OSBP2: variants seen among roughly 807,000 people sequenced by gnomAD.
The protein encoded by OSBP2 is oxysterol-binding protein 2.
Under a neutral mutation model 96.0 loss-of-function variants are expected in OSBP2, and 66 were observed. The observed-to-expected ratio is 0.69, with a 90% confidence interval of 0.56 to 0.84. The LOEUF (loss-of-function observed/expected upper bound fraction) is 0.84. OSBP2 is among the 40% of genes least tolerant of loss of function. OSBP2 has a pLI of 0.00. For synonymous variants in OSBP2, 525 were observed against 520.9 expected, an observed-to-expected ratio of 1.01 and a Z score of -0.11; for missense variants, 1,038 against 1,222.7, an observed-to-expected ratio of 0.85 and a Z score of 2.25.
rs572856651 is a variant in OSBP2, at chr22:30,778,816, A to G, written c.853+37447A>G. Among the ~76,000 whole-genome samples the G allele has an allele frequency of 6.6e-5, 10 of 152,054 alleles. 1 individual carries two copies. Among genetic ancestry groups the G allele is most frequent in the African/African-American group, 2.4e-4 (10 of 41,504 alleles). The stretch of plus-strand genomic sequence containing the variant: ...TTTGGAAGGCTGAGGCCGGTTGGTC[A>G]CTTGAGGTCAGGAGTTCAAGAGCAG... On this transcript the variant is annotated intron_variant, in intron 2 of 13. Transcript: ENST00000332585.
chr22:30,861,657 T>A (rs1297925964), intron 2 of OSBP2, among the ~76,000 whole-genome samples: 3 of 152,078 alleles, frequency 2.0e-5, no homozygotes, highest in Non-Finnish European at 4.4e-5. Context: ...TGTAGAGGAG[T>A]GGCGTCACTT....
intron 1 of OSBP2, among the ~76,000 whole-genome samples, chr22:30,726,237 T>A (rs986157305): frequency 2.0e-5 from 3 of 151,964 alleles, no homozygotes; most frequent in Admixed American, 6.6e-5. Flanking sequence ...CCAACCCAAA[T>A]CCCCATCAAT....
intron 2 of OSBP2, among the ~76,000 whole-genome samples, chr22:30,811,514 T>G (rs2091006655): frequency 6.6e-6 from 1 of 151,360 alleles, no homozygotes; most frequent in Non-Finnish European, 1.5e-5. Flanking sequence ...CGTGGCTATA[T>G]TTTTTAAATT....
chr22:30,896,440 A>ATCTGAGGGATGTGAAGAAATGC (rs2040069882), intron 12 of OSBP2, among the ~76,000 whole-genome samples: 1 of 152,230 alleles, frequency 6.6e-6, no homozygotes, highest in Non-Finnish European at 1.5e-5. Context: ...AAGGGGAAGG[A>ATCTGAGGGATGTGAAGAAATGC]TCTGAGGGAT....
At chr22:30,876,514 A>G (rs1241660281) in intron 3 of OSBP2, among the ~76,000 whole-genome samples, 1 of 152,204 alleles carries the variant, frequency 6.6e-6, no homozygotes, top group Non-Finnish European at 1.5e-5. Flanking sequence ...GAAACAGGGT[A>G]TGGGGTTCAC....
intron 2 of OSBP2, among the ~76,000 whole-genome samples, chr22:30,865,655 A>G (rs1569156467): frequency 6.7e-6 from 1 of 149,186 alleles, no homozygotes; most frequent in Admixed American, 6.7e-5. Flanking sequence ...AAAAAAAAAA[A>G]AGACAGTTTT....
intron 1 of OSBP2, among the ~76,000 whole-genome samples, chr22:30,708,859 G>T (rs1391928575): frequency 4.0e-5 from 6 of 151,724 alleles, no homozygotes. Flanking sequence ...CCAGCACTTT[G>T]GGAGGCCAAG....
rs4820914 is a variant in OSBP2 at position 30,903,991 on chromosome 22, C to T, written c.2376-1846C>T. Among the ~76,000 whole-genome samples the T allele has an allele frequency of 4.8e-3, 735 of 152,292 alleles. 1 individual carries two copies. Among genetic ancestry groups the T allele is most frequent in the Middle Eastern group, 0.017 (5 of 294 alleles). The stretch of plus-strand genomic sequence containing the variant: ...CATCTTGGGGACACACTTGGTTGTT[C>T]CCATGTGCAGGGTTCAGCACTTACC... On this transcript the variant is annotated intron_variant, in intron 12 of 13. Coordinates refer to ENST00000332585, the MANE Select transcript of OSBP2 (RefSeq NM_030758.4).
chr22:30,737,222 G>T (rs1439943372), intron 1 of OSBP2, among the ~76,000 whole-genome samples: 2 of 151,774 alleles, frequency 1.3e-5, no homozygotes, highest in African/African-American at 4.8e-5. Flanking sequence ...CACCATGTTG[G>T]CCAGGCTGGT....
At chr22:30,773,451 G>A (rs1408386886) in intron 2 of OSBP2, among the ~76,000 whole-genome samples, 1 of 152,132 alleles carries the variant, frequency 6.6e-6, no homozygotes, top group African/African-American at 2.4e-5. Context: ...CACCCTAGTT[G>A]CACTGATTAT....
At chr22:30,878,826 G>A (rs1239802688) in intron 3 of OSBP2, among the ~76,000 whole-genome samples, 1 of 152,200 alleles carries the variant, frequency 6.6e-6, no homozygotes, top group Non-Finnish European at 1.5e-5. Flanking sequence ...AACCTGGGGA[G>A]GAAGGGCACC....
chr22:30,741,050 C>T (rs1404340602), intron 1 of OSBP2, 111 bp from the exon 2 acceptor site: 23 of 841,654 alleles, frequency 2.7e-5, no homozygotes, highest in Non-Finnish European at 3.9e-5. Flanking sequence ...ACTCCAGGGC[C>T]TCTCCCAGCT....
chr22:30,741,169 G>T lies in OSBP2; in HGVS notation c.653G>T (p.Gly218Val), dbSNP rs1439546289. ...TCTCTTACATCCTACAGAAATCAGG[G>T]TGAAATGGCCCACACGTGCCGTGGA... ...NGLLSYYRNQ[G>V]EMAHTCRGTI... Residue 218 changes from glycine to valine, a missense_variant, in exon 2 of 14, where the codon GGT becomes GTT. Physicochemically the swap from Gly to Val is moderately radical, Grantham distance 109. Transcript: ENST00000332585. 4 of 1,613,702 alleles carry T rather than the reference G, an allele frequency of 2.5e-6. No homozygotes were observed. The Admixed American group carries it at 6.7e-5, about 27-fold the overall frequency.
chr22:30,862,860 C>T (rs1019750105), intron 2 of OSBP2, among the ~76,000 whole-genome samples: 1 of 151,478 alleles, frequency 6.6e-6, no homozygotes, highest in African/African-American at 2.4e-5. Context: ...GTAATCCCAG[C>T]TACTCGGGAG....
chr22:30,803,459 G>A (rs2090882147), intron 2 of OSBP2, among the ~76,000 whole-genome samples: 1 of 152,186 alleles, frequency 6.6e-6, no homozygotes, highest in Admixed American at 6.5e-5. Context: ...CCACAACAAG[G>A]TACCAGGAAA....
At chr22:30,785,168 G>C (rs576777555) in intron 2 of OSBP2, among the ~76,000 whole-genome samples, 64 of 152,212 alleles carry the variant, frequency 4.2e-4, no homozygotes, top group Middle Eastern at 3.4e-3. Context: ...ATACCTCATT[G>C]GGATTTTGTT....
chr22:30,808,677 G>A lies in OSBP2; in HGVS notation c.854-61752G>A, dbSNP rs564105579. Among the ~76,000 whole-genome samples, 10 of 152,184 alleles carry A rather than the reference G, an allele frequency of 6.6e-5. No individual in the cohort carries two copies. The East Asian group carries it at 7.7e-4, about 12-fold the overall frequency. On this transcript the variant is annotated intron_variant, in intron 2 of 13. Transcript: ENST00000332585. ...GAAGAGAGAAGTGTGGACTTATGCC[G>A]GGCGTGGTGGCTGACACCTGTAATC...
intron 1 of OSBP2, among the ~76,000 whole-genome samples, chr22:30,695,960 C>A (rs1225659003): frequency 6.6e-6 from 1 of 152,110 alleles, no homozygotes; most frequent in African/African-American, 2.4e-5. Flanking sequence ...TCACCTTGTT[C>A]AGTCCTTAGG....
At chr22:30,841,474 G>A (rs74756605) in intron 2 of OSBP2, among the ~76,000 whole-genome samples, 9,561 of 152,176 alleles carry the variant, frequency 0.063, 328 homozygotes, top group African/African-American at 0.073. Flanking sequence ...GAGCTTATGC[G>A]TGTTGCTACA....
Sources: gnomAD v4.1 joint callset for allele counts (sites outside exome capture counted in the v4.1 genomes callset) on GRCh38, gnomAD v4.1.1 for gene constraint, MANE v1.5 for transcripts, NCBI Gene and HGNC (gene_info 2026-07-23, HGNC 2026-07-21) for gene names.